GATA4: variants seen among roughly 807,000 people sequenced by gnomAD.
The protein encoded by GATA4 is GATA binding protein 4, also known as transcription factor GATA-4.
In GATA4, 7 loss-of-function variants were observed where a neutral mutation model predicts 37.9. The ratio of observed to expected loss-of-function variants is 0.18; its 90% CI spans 0.11 to 0.35. The LOEUF (loss-of-function observed/expected upper bound fraction) is 0.35, where lower values mean the gene tolerates loss of function less well. Among genes scored for constraint, GATA4 ranks in the 10% least tolerant of loss-of-function variants. The pLI is 1.00. For missense variants in GATA4, 647 were observed against 653.0 expected, an observed-to-expected ratio of 0.99 and a Z score of 0.10; for synonymous variants, 372 against 292.6, an observed-to-expected ratio of 1.27 and a Z score of -2.77.
At chr8:11,746,846 C>A (rs1802057788) in intron 2 of GATA4, among the ~76,000 whole-genome samples, 1 of 152,208 alleles carries the variant, frequency 6.6e-6, no homozygotes, top group African/African-American at 2.4e-5. Context: ...CGCCTGTGCT[C>A]CGCTCCCTGG....
In GATA4 at chr8:11,758,615, C is replaced by T. The variant is rs1802729255; in HGVS notation, c.*140C>T. The T allele has an allele frequency of 3.6e-6, 3 of 831,868 alleles. No homozygotes were observed. The highest frequency in any genetic ancestry group is 1.7e-5 in the African/African-American group (1 of 59,242). 51.5% of individuals were successfully genotyped at this position (831,868 alleles called of 1,614,324 possible). A position where few individuals can be genotyped will look rare whatever the true frequency, so the allele number is the denominator to read the frequency against. On this transcript the variant is annotated 3_prime_UTR_variant, in exon 7 of 7. Coordinates refer to ENST00000532059, the MANE Select transcript of GATA4 (RefSeq NM_001308093.3). Reference sequence around the variant, plus strand: ...CAACAACTGGGAAGAAACTTGAAGTCGACAATCTGGTTAGGGGAAGCGGGT... The same window carrying T: ...CAACAACTGGGAAGAAACTTGAAGTTGACAATCTGGTTAGGGGAAGCGGGT...
chr8:11,710,856 T>C (rs1435391733), intron 2 of GATA4, among the ~76,000 whole-genome samples: 2 of 152,170 alleles, frequency 1.3e-5, no homozygotes, highest in Non-Finnish European at 2.9e-5. Flanking sequence ...GCGCGGTGTC[T>C]CACGCCTGTA....
chr8:11,738,547 CG>C (rs1216217655), intron 2 of GATA4, among the ~76,000 whole-genome samples: 2 of 152,106 alleles, frequency 1.3e-5, no homozygotes, highest in Non-Finnish European at 2.9e-5. Context: ...TATTGATGAA[CG>C]TAAGAGTTGT....
At chr8:11,744,959 T>A (rs1280658535) in intron 2 of GATA4, among the ~76,000 whole-genome samples, 1 of 152,210 alleles carries the variant, frequency 6.6e-6, no homozygotes, top group African/African-American at 2.4e-5. Context: ...TCATTATTGA[T>A]ATTCAAATCC....
chr8:11,746,316 G>C (rs1222846138), intron 2 of GATA4, among the ~76,000 whole-genome samples: 1 of 152,132 alleles, frequency 6.6e-6, no homozygotes, highest in Admixed American at 6.5e-5. Context: ...GCTGCAGTGA[G>C]CTGTGATTGC....
chr8:11,681,437 C>T (rs1403665002), intron 1 of GATA4: 3 of 984,672 alleles, frequency 3.0e-6, no homozygotes, highest in Non-Finnish European at 3.6e-6. Flanking sequence ...TAGCTACGAT[C>T]CCCGCGCAGA....
intron 2 of GATA4, among the ~76,000 whole-genome samples, chr8:11,727,311 T>TG (rs1443331001): frequency 6.6e-6 from 1 of 150,834 alleles, no homozygotes; most frequent in Non-Finnish European, 1.5e-5. Flanking sequence ...AAGCAGAGGA[T>TG]GGGGGGAGAA....
chr8:11,683,276 A>G (rs1712144423), intron 1 of GATA4, among the ~76,000 whole-genome samples: 1 of 152,212 alleles, frequency 6.6e-6, no homozygotes, highest in South Asian at 2.1e-4. Context: ...TGGGAGGCGC[A>G]GAGCTGCCCC....
chr8:11,697,234 T>A (rs76472481), intron 1 of GATA4, among the ~76,000 whole-genome samples: 3,438 of 152,366 alleles, frequency 0.023, 145 homozygotes, highest in African/African-American at 0.079. Flanking sequence ...GGAGAGCCCC[T>A]GTCCTTCTGT....
chr8:11,708,946 G>A lies in GATA4; in HGVS notation c.616+18G>A. On this transcript the variant is annotated intron_variant, in intron 2 of 6. Transcript: ENST00000532059. The surrounding 1 kb of genome is among the most constrained non-coding windows in gnomAD (Gnocchi z 6.7). Reference sequence around the variant, plus strand: ...CAATCTCGGTGAGTAGGAGCGCGAGGGCTGGGGCGCGTGAGGGCCGGGGCA... The same window carrying A: ...CAATCTCGGTGAGTAGGAGCGCGAGAGCTGGGGCGCGTGAGGGCCGGGGCA... 1 of 1,520,024 alleles carries A rather than the reference G, an allele frequency of 6.6e-7. No individual in the cohort carries two copies. Among genetic ancestry groups the A allele is most frequent in the Non-Finnish European group, 8.8e-7 (1 of 1,140,588 alleles). The allele number at this position is 1,520,024 out of a possible 1,614,324, so 94.2% of individuals were successfully genotyped here.
rs528528601 is a variant in GATA4 at position 11,754,158 on chromosome 8, T to A, written c.913-888T>A. Reference sequence around the variant, plus strand: ...AAGTAGAGTGATGTTACATCTCAACTCACTGGGACTGTTGCTGTTGAGGCC... The same window carrying A: ...AAGTAGAGTGATGTTACATCTCAACACACTGGGACTGTTGCTGTTGAGGCC... On this transcript the variant is annotated intron_variant, in intron 4 of 6. Coordinates refer to ENST00000532059, the MANE Select transcript of GATA4 (RefSeq NM_001308093.3). Among the ~76,000 whole-genome samples, 9 of 152,332 alleles carry A rather than the reference T, an allele frequency of 5.9e-5. No homozygotes were observed. The South Asian group carries it at 1.7e-3, about 28-fold the overall frequency.
chr8:11,707,885 C>T lies in GATA4; in HGVS notation c.-428C>T. On this transcript the variant is annotated 5_prime_UTR_variant, in exon 2 of 7. Transcript: ENST00000532059. This position sits in a 1 kb window ranked among gnomAD's most constrained non-coding sequence, Gnocchi z 4.7. ...CCGGCTGCGGCGAGGAGGAAGGAGCCAGCCTAGCAGCTTCTGCGCCTGTGG... is the reference window on the plus strand; with the variant it reads ...CCGGCTGCGGCGAGGAGGAAGGAGCTAGCCTAGCAGCTTCTGCGCCTGTGG... The T allele has an allele frequency of 3.8e-6, 1 of 263,076 alleles. No individual in the cohort carries two copies. Among genetic ancestry groups the T allele is most frequent in the South Asian group, 3.6e-5 (1 of 27,964 alleles). 16.3% of individuals were successfully genotyped at this position (263,076 alleles called of 1,614,324 possible).
chr8:11,684,576 T>C (rs1021181907), intron 1 of GATA4, among the ~76,000 whole-genome samples: 1 of 152,242 alleles, frequency 6.6e-6, no homozygotes, highest in African/African-American at 2.4e-5. Context: ...TATTAGAATG[T>C]TGTGATTTGA....
At chr8:11,741,000 C>G (rs1195845413) in intron 2 of GATA4, among the ~76,000 whole-genome samples, 1 of 152,098 alleles carries the variant, frequency 6.6e-6, no homozygotes, top group Non-Finnish European at 1.5e-5. Flanking sequence ...TCCCAAAGTG[C>G]TGCGATTACA....
chr8:11,700,730 G>T (rs1306687828), upstream of GATA4: 1 of 152,296 alleles, frequency 6.6e-6, no homozygotes, highest in African/African-American at 2.4e-5. Context: ...TCGCGGCAGG[G>T]CCGCAGAGGC....
chr8:11,696,876 A>G (rs1483173906), intron 1 of GATA4, among the ~76,000 whole-genome samples: 5 of 152,192 alleles, frequency 3.3e-5, no homozygotes, highest in Non-Finnish European at 7.3e-5. Flanking sequence ...TTCTGAGCCC[A>G]CCAGCCCCTG....
chr8:11,722,918 C>T (rs1464269197), intron 2 of GATA4, among the ~76,000 whole-genome samples: 1 of 152,220 alleles, frequency 6.6e-6, no homozygotes, highest in Non-Finnish European at 1.5e-5. Context: ...CTTGGAGGTA[C>T]AGTTTGTCTA....
chr8:11,700,305 A>C (rs1352385508), upstream of GATA4, among the ~76,000 whole-genome samples: 1 of 152,222 alleles, frequency 6.6e-6, no homozygotes. Context: ...TAATTTCGAA[A>C]GCAAGACCAT....
intron 2 of GATA4, among the ~76,000 whole-genome samples, chr8:11,713,526 G>A (rs1316945534): frequency 6.6e-6 from 1 of 151,912 alleles, no homozygotes. Context: ...ATGGAAGAGG[G>A]TTCTGGAAAC....
Sources: allele counts gnomAD v4.1 joint callset (sites outside exome capture counted in the v4.1 genomes callset), GRCh38; gene constraint gnomAD v4.1.1; non-coding constraint Gnocchi (gnomAD v3.1); transcripts MANE v1.5; gene names NCBI Gene and HGNC (gene_info 2026-07-23, HGNC 2026-07-21).